The following CBFA2T3 variants were observed in gnomAD, a reference collection of about 807,000 sequenced individuals.
The protein encoded by CBFA2T3 is CBFA2/RUNX1 partner transcriptional co-repressor 3, also known as transcriptional corepressor CBFA2T3.
Under a neutral mutation model 58.6 loss-of-function variants are expected in CBFA2T3, and 31 were observed. The ratio of observed to expected loss-of-function variants is 0.53; its 90% CI spans 0.40 to 0.71. The LOEUF is 0.71. Ranked by LOEUF, CBFA2T3 falls within the 30% of genes least tolerant of loss-of-function variation. The probability of loss-of-function intolerance (pLI) is 0.00; values close to 1 mark genes in which losing one functional copy is unlikely to be tolerated. For missense variants in CBFA2T3, 1,076 were observed against 963.1 expected, an observed-to-expected ratio of 1.12 and a Z score of -1.55; for synonymous variants, 531 against 421.9, an observed-to-expected ratio of 1.26 and a Z score of -3.17.
chr16:88,948,730 C>T (rs1374641230), intron 1 of CBFA2T3, among the ~76,000 whole-genome samples: 2 of 152,354 alleles, frequency 1.3e-5, no homozygotes, highest in Admixed American at 6.5e-5. Flanking sequence ...AAGCAAGTTA[C>T]TGAAGCTTGC....
intron 5 of CBFA2T3, among the ~76,000 whole-genome samples, chr16:88,889,284 G>A (rs1259007960): frequency 6.8e-6 from 1 of 146,226 alleles, no homozygotes; most frequent in African/African-American, 2.6e-5. Flanking sequence ...GGCGGAGGAA[G>A]GCGGGAGGAG....
In CBFA2T3 at chr16:88,875,180, C is replaced by T. The variant is rs372044451; in HGVS notation, c.*1796G>A. The stretch of plus-strand genomic sequence containing the variant: ...AGATGCCAGGCCACGGGCCACACCA[C>T]GCACACAGATGCCAAGCCACGGGCC... On this transcript the variant is annotated 3_prime_UTR_variant, in exon 12 of 12. Transcript: ENST00000268679. The T allele has an allele frequency of 3.4e-4, 81 of 235,838 alleles. No homozygotes were observed. The South Asian group carries it at 5.6e-3, about 16-fold the overall frequency. The allele number at this position is 235,838 out of a possible 1,614,324, so 14.6% of individuals were successfully genotyped here.
chr16:88,974,024 G>A (rs2142890676), intron 1 of CBFA2T3, among the ~76,000 whole-genome samples: 1 of 152,234 alleles, frequency 6.6e-6, no homozygotes, highest in African/African-American at 2.4e-5. Flanking sequence ...CACCAGGCAG[G>A]CCTGACTCAG....
chr16:88,963,844 T>A (rs74033221), intron 1 of CBFA2T3, among the ~76,000 whole-genome samples: 6,134 of 152,290 alleles, frequency 0.04, 228 homozygotes, highest in African/African-American at 0.099. Context: ...CTCGGGTCCG[T>A]GCACGTCTGA....
At chr16:88,880,646 G>A (rs575083929) in intron 10 of CBFA2T3, 74 bp downstream of exon 10, 1 of 1,250,318 alleles carries the variant, frequency 8.0e-7, no homozygotes, top group East Asian at 2.5e-5. Context: ...CTTCAAAGCT[G>A]AGCCGGTGAG....
At chr16:88,882,058 G>A (rs974254677) in intron 8 of CBFA2T3, among the ~76,000 whole-genome samples, 1 of 152,268 alleles carries the variant, frequency 6.6e-6, no homozygotes, top group Non-Finnish European at 1.5e-5. Context: ...GGGAAGCAAG[G>A]CCCGCCATGA....
intron 7 of CBFA2T3, 172 bp downstream of exon 7, chr16:88,884,874 T>C: frequency 1.7e-6 from 1 of 574,954 alleles, no homozygotes; most frequent in Non-Finnish European, 3.0e-6. Flanking sequence ...CAGGCCCCTC[T>C]GCAGCCACCG....
At chr16:88,890,900 G>A (rs1286695221) in intron 5 of CBFA2T3, among the ~76,000 whole-genome samples, 5 of 152,148 alleles carry the variant, frequency 3.3e-5, no homozygotes, top group African/African-American at 7.2e-5. Context: ...TTTTTGTAGA[G>A]ATGGGGTCTA....
chr16:88,973,655 C>T, intron 1 of CBFA2T3, among the ~76,000 whole-genome samples: 1 of 152,164 alleles, frequency 6.6e-6, no homozygotes, highest in South Asian at 2.1e-4. Context: ...CGTTCCAGAC[C>T]CACAACATTC....
intron 1 of CBFA2T3, among the ~76,000 whole-genome samples, chr16:88,928,666 G>A (rs761608616): frequency 1.3e-5 from 2 of 152,224 alleles, no homozygotes; most frequent in African/African-American, 4.8e-5. Context: ...TGAGCGCCTC[G>A]TGTGTCAGGT....
In CBFA2T3 at chr16:88,899,612, C is replaced by T. The variant is rs528770878; in HGVS notation, c.305-1460G>A. ...AAGCAGAGCCCGACGCTCTGCTGATCCCAACCCACCTCCAGCCAGGAGCAT... is the reference window on the plus strand; with the variant it reads ...AAGCAGAGCCCGACGCTCTGCTGATTCCAACCCACCTCCAGCCAGGAGCAT... On this transcript the variant is annotated intron_variant, in intron 2 of 11. Transcript: ENST00000268679. Among the ~76,000 whole-genome samples the T allele has an allele frequency of 3.3e-5, 5 of 152,200 alleles. No homozygotes were observed. The East Asian group carries it at 9.7e-4, about 30-fold the overall frequency.
chr16:88,923,023 G>A (rs1212941097), intron 1 of CBFA2T3, among the ~76,000 whole-genome samples: 1 of 152,164 alleles, frequency 6.6e-6, no homozygotes, highest in Non-Finnish European at 1.5e-5. Context: ...CTCTTTACAG[G>A]CCCCCAGCGC....
intron 1 of CBFA2T3, among the ~76,000 whole-genome samples, chr16:88,932,367 G>A (rs1344683992): frequency 6.6e-6 from 1 of 152,188 alleles, no homozygotes; most frequent in Non-Finnish European, 1.5e-5. Context: ...GGGTGCAGCG[G>A]CTCACGCCTA....
At chr16:88,913,940 C>A (rs938873675) in intron 1 of CBFA2T3, among the ~76,000 whole-genome samples, 19 of 152,210 alleles carry the variant, frequency 1.2e-4, no homozygotes, top group Non-Finnish European at 2.5e-4. Flanking sequence ...GGCACAGAAC[C>A]TGCAGAAGAG....
intron 3 of CBFA2T3, among the ~76,000 whole-genome samples, 162 bp from the exon 4 acceptor site, chr16:88,892,647 C>T (rs1285250492): frequency 6.6e-6 from 1 of 152,186 alleles, no homozygotes; most frequent in African/African-American, 2.4e-5. Flanking sequence ...CAGCAGGAGC[C>T]CTGGGCCCGC....
intron 1 of CBFA2T3, chr16:88,951,636 G>A (rs1449146410): frequency 5.6e-6 from 2 of 360,320 alleles, no homozygotes; most frequent in African/African-American, 2.1e-5. Flanking sequence ...CGGCCCCAGG[G>A]TGGGCACAGG....
intron 3 of CBFA2T3, among the ~76,000 whole-genome samples, chr16:88,895,803 C>T (rs968555852): frequency 6.6e-6 from 1 of 152,148 alleles, no homozygotes; most frequent in Non-Finnish European, 1.5e-5. Context: ...GCCCTGCCCT[C>T]GAGGGCTGGG....
At chr16:88,877,351 T>C in intron 11 of CBFA2T3, 76 bp from the exon 12 acceptor site, 2 of 1,229,048 alleles carry the variant, frequency 1.6e-6, no homozygotes, top group African/African-American at 1.6e-5. Context: ...AACCAAGCCA[T>C]TCAGACCCAG....
chr16:88,893,890 G>A (rs1156274535), intron 3 of CBFA2T3, among the ~76,000 whole-genome samples: 1 of 152,154 alleles, frequency 6.6e-6, no homozygotes, highest in Admixed American at 6.5e-5. Flanking sequence ...CCTGAGGGGC[G>A]GCCTCCAGGC....
Sources: gnomAD v4.1 joint callset for allele counts (sites outside exome capture counted in the v4.1 genomes callset) on GRCh38, gnomAD v4.1.1 for gene constraint, MANE v1.5 for transcripts, NCBI Gene and HGNC (gene_info 2026-07-23, HGNC 2026-07-21) for gene names.